Variants in CTNND2 observed in about 807,000 individuals in gnomAD.
CTNND2 encodes catenin delta 2, also known as catenin delta-2.
In CTNND2, 22 loss-of-function variants were observed where a neutral mutation model predicts 144.4. The observed-to-expected ratio is 0.15, with a 90% CI of 0.11 to 0.22. CTNND2 has a LOEUF of 0.22. Among genes scored for constraint, CTNND2 ranks in the 10% least tolerant of loss-of-function variants. CTNND2 has a pLI of 1.00. For synonymous variants in CTNND2, 751 were observed against 695.6 expected, an observed-to-expected ratio of 1.08 and a Z score of -1.25; for missense variants, 1,353 against 1,618.8, an observed-to-expected ratio of 0.84 and a Z score of 2.82.
chr5:11,881,009 C>T (rs1041012381), intron 1 of CTNND2, among the ~76,000 whole-genome samples: 3 of 148,112 alleles, frequency 2.0e-5, no homozygotes, highest in Non-Finnish European at 4.5e-5. Flanking sequence ...ACTACTACCA[C>T]CACTACTACT....
chr5:11,866,871 C>G (rs188355642), intron 1 of CTNND2, among the ~76,000 whole-genome samples: 1 of 152,280 alleles, frequency 6.6e-6, no homozygotes, highest in East Asian at 1.9e-4. Flanking sequence ...ATACATGATT[C>G]TAGTTATCAT....
intron 1 of CTNND2, among the ~76,000 whole-genome samples, chr5:11,872,104 A>T (rs1040458762): frequency 6.6e-6 from 1 of 151,218 alleles, no homozygotes; most frequent in African/African-American, 2.4e-5. Context: ...TCATGGTTCA[A>T]CTCCCACTTA....
At chr5:11,013,789 G>A (rs187192693) in intron 18 of CTNND2, among the ~76,000 whole-genome samples, 18 of 152,288 alleles carry the variant, frequency 1.2e-4, no homozygotes, top group African/African-American at 4.3e-4. Flanking sequence ...GGGTTATGCA[G>A]CCCCCTGTCC....
intron 14 of CTNND2, among the ~76,000 whole-genome samples, chr5:11,100,209 A>T (rs949455786): frequency 2.6e-5 from 4 of 152,208 alleles, no homozygotes; most frequent in African/African-American, 9.7e-5. Flanking sequence ...TCTTTTCCTC[A>T]ATAATGACAC....
At chr5:11,541,996 A>T (rs1048271459) in intron 3 of CTNND2, among the ~76,000 whole-genome samples, 1 of 148,448 alleles carries the variant, frequency 6.7e-6, no homozygotes, top group Non-Finnish European at 1.5e-5. Context: ...CTCCCCAATT[A>T]AAAAAAAAAC....
intron 13 of CTNND2, among the ~76,000 whole-genome samples, chr5:11,112,343 G>A (rs1753081412): frequency 6.6e-6 from 1 of 152,170 alleles, no homozygotes. Context: ...ATGTGAGAAG[G>A]ACATGGCTGA....
intron 3 of CTNND2, among the ~76,000 whole-genome samples, chr5:11,443,038 A>G (rs1581206623): frequency 6.6e-6 from 1 of 150,408 alleles, no homozygotes; most frequent in Non-Finnish European, 1.5e-5. Flanking sequence ...GCATTTTACT[A>G]CAATGAGTAC....
chr5:11,120,435 T>C (rs563220758), intron 12 of CTNND2, among the ~76,000 whole-genome samples: 79 of 149,386 alleles, frequency 5.3e-4, no homozygotes, highest in African/African-American at 2.0e-3. Flanking sequence ...TATCATACTG[T>C]CTGCAGGGGT....
intron 1 of CTNND2, among the ~76,000 whole-genome samples, chr5:11,788,399 T>C (rs942523487): frequency 1.3e-5 from 2 of 152,196 alleles, no homozygotes; most frequent in Non-Finnish European, 2.9e-5. Context: ...TTATACTTTT[T>C]AAATATTTAG....
chr5:11,102,970 ATTTTTTTTTTTTTTT>A (rs778134907), intron 14 of CTNND2, among the ~76,000 whole-genome samples: 11 of 84,080 alleles, frequency 1.3e-4, no homozygotes, highest in Non-Finnish European at 1.7e-4. Context: ...TATTTAAAAG[ATTTTTTTTTTTTTTT>A]TTTTTTTTTT....
intron 2 of CTNND2, among the ~76,000 whole-genome samples, chr5:11,614,135 C>T (rs1780468754): frequency 6.6e-6 from 1 of 152,066 alleles, no homozygotes; most frequent in East Asian, 1.9e-4. Flanking sequence ...TTGAAGGTAA[C>T]TTGCTTCTTA....
At chr5:11,206,027 A>T (rs187261881) in intron 10 of CTNND2, among the ~76,000 whole-genome samples, 106 of 152,364 alleles carry the variant, frequency 7.0e-4, no homozygotes, top group African/African-American at 2.4e-3. Flanking sequence ...ATTGTTTAAC[A>T]AAGTACTCAG....
At chr5:11,815,909 A>T (rs1420063755) in intron 1 of CTNND2, among the ~76,000 whole-genome samples, 1 of 152,112 alleles carries the variant, frequency 6.6e-6, no homozygotes, top group Non-Finnish European at 1.5e-5. Flanking sequence ...CCTCCTCATC[A>T]TCTCATGTCA....
chr5:11,181,943 TGGGG>T (rs1176970277), intron 11 of CTNND2, among the ~76,000 whole-genome samples: 5 of 139,820 alleles, frequency 3.6e-5, no homozygotes, highest in African/African-American at 8.2e-5. Flanking sequence ...GGTGTGTGTG[TGGGG>T]GGGTGCGTGG....
chr5:11,072,163 T>A (rs1386817858), intron 16 of CTNND2, among the ~76,000 whole-genome samples: 1 of 152,238 alleles, frequency 6.6e-6, no homozygotes, highest in African/African-American at 2.4e-5. Context: ...ACTGTTCAAG[T>A]CTCAAGGTGA....
At chr5:11,204,710 T>G (rs1278446708) in intron 10 of CTNND2, among the ~76,000 whole-genome samples, 1 of 152,182 alleles carries the variant, frequency 6.6e-6, no homozygotes, top group African/African-American at 2.4e-5. Flanking sequence ...CAGATATTTA[T>G]GACAGTCTTC....
At chr5:11,025,849 A>C (rs1285352105) in intron 16 of CTNND2, among the ~76,000 whole-genome samples, 1 of 152,140 alleles carries the variant, frequency 6.6e-6, no homozygotes, top group Non-Finnish European at 1.5e-5. Context: ...CAGTAGGAGG[A>C]ATCTTGATTC....
At chr5:11,206,107 C>A (rs1738016074) in intron 10 of CTNND2, among the ~76,000 whole-genome samples, 1 of 152,152 alleles carries the variant, frequency 6.6e-6, no homozygotes, top group Non-Finnish European at 1.5e-5. Context: ...TGCTTTCTTA[C>A]CCGGCCAAAA....
chr5:11,822,992 G>A (rs1793397586), intron 1 of CTNND2, among the ~76,000 whole-genome samples: 1 of 152,072 alleles, frequency 6.6e-6, no homozygotes, highest in Non-Finnish European at 1.5e-5. Context: ...TTTTTGTTAT[G>A]TAACAATAGA....
Sources: gnomAD v4.1 joint callset for allele counts (sites outside exome capture counted in the v4.1 genomes callset) on GRCh38, gnomAD v4.1.1 for gene constraint, MANE v1.5 for transcripts, NCBI Gene and HGNC (gene_info 2026-07-23, HGNC 2026-07-21) for gene names.